The following C8A variants were observed in gnomAD, a reference collection of about 807,000 sequenced individuals.
C8A encodes complement C8 alpha chain.
In C8A, 67 loss-of-function variants were observed where a neutral mutation model predicts 65.3. That is an observed-to-expected ratio of 1.03 (90% CI 0.84 to 1.26). The LOEUF (loss-of-function observed/expected upper bound fraction) is 1.26, where lower values mean the gene tolerates loss of function less well. C8A is among the 50% of genes most tolerant of loss of function. The pLI is 0.00. For synonymous variants in C8A, 290 were observed against 259.4 expected (o/e 1.12, Z -1.13); for missense variants, 781 against 723.9 (o/e 1.08, Z -0.90).
chr1:56,897,962 G>A (rs1644398948), intron 7 of C8A, among the ~76,000 whole-genome samples: 1 of 152,162 alleles, frequency 6.6e-6, no homozygotes, highest in Non-Finnish European at 1.5e-5. Flanking sequence ...AACAAATACA[G>A]TAGAAGCACA....
rs1319437561 is a variant in C8A at position 56,883,351 on chromosome 1, C to T, written c.655-130C>T. ...AAGTATCAGTCTAATGACTGGATTG[C>T]CTTATAAAAGAATTACCTACCATAA... On this transcript the variant is annotated intron_variant, in intron 5 of 10. Coordinates refer to ENST00000361249, the MANE Select transcript of C8A (RefSeq NM_000562.3). 10 of 756,670 alleles carry T rather than the reference C, an allele frequency of 1.3e-5. No homozygotes were observed. In the South Asian group the frequency reaches 1.5e-4, roughly 11 times the overall value. The allele number at this position is 756,670 out of a possible 1,614,324, so 46.9% of individuals were successfully genotyped here.
intron 9 of C8A, among the ~76,000 whole-genome samples, chr1:56,911,397 G>T (rs1644505009): frequency 1.3e-5 from 2 of 152,338 alleles, no homozygotes; most frequent in South Asian, 2.1e-4. Flanking sequence ...GAGGCTCCGT[G>T]TGTCATGTGC....
intron 7 of C8A, among the ~76,000 whole-genome samples, chr1:56,893,416 G>T (rs1053717771): frequency 2.6e-5 from 4 of 152,114 alleles, no homozygotes; most frequent in African/African-American, 9.7e-5. Context: ...TCTGGGTGGG[G>T]CTCTTGGTTC....
In C8A at chr1:56,917,729, A is replaced by G; in HGVS notation, c.*13A>G. On this transcript the variant is annotated 3_prime_UTR_variant, in exon 11 of 11. Transcript: ENST00000361249. ...GCAGGCTTGCTGAGGGCCTCTGGAC[A>G]CAGGCTGGACCAGATGCTGTGGATG... 1 of 1,613,780 alleles carries G rather than the reference A, an allele frequency of 6.2e-7. No homozygotes were observed. The highest frequency in any genetic ancestry group is 8.5e-7 in the Non-Finnish European group (1 of 1,179,976).
intron 2 of C8A, among the ~76,000 whole-genome samples, chr1:56,870,728 C>T (rs1177673745): frequency 6.7e-6 from 1 of 148,272 alleles, no homozygotes; most frequent in Non-Finnish European, 1.5e-5. Flanking sequence ...AAGACAATGA[C>T]TTGCAGTTTA....
intron 7 of C8A, among the ~76,000 whole-genome samples, chr1:56,896,789 G>A (rs1472646920): frequency 1.3e-5 from 2 of 152,176 alleles, no homozygotes; most frequent in South Asian, 4.1e-4. Flanking sequence ...AAAGTCTCAT[G>A]TAATCAAGTG....
intron 9 of C8A, among the ~76,000 whole-genome samples, chr1:56,909,279 C>T (rs1337851059): frequency 6.6e-6 from 1 of 152,198 alleles, no homozygotes; most frequent in Non-Finnish European, 1.5e-5. Flanking sequence ...CCCACCCTTG[C>T]CTATTTTTCT....
At chr1:56,880,684 G>A (rs571709502) in intron 4 of C8A, among the ~76,000 whole-genome samples, 20 of 152,182 alleles carry the variant, frequency 1.3e-4, no homozygotes, top group African/African-American at 4.8e-4. Context: ...TGTAGCAGCA[G>A]AGCCCTTATA....
At chr1:56,889,097 G>T (rs1644324492) in intron 7 of C8A, among the ~76,000 whole-genome samples, 1 of 152,034 alleles carries the variant, frequency 6.6e-6, no homozygotes, top group South Asian at 2.1e-4. Context: ...TTCAAAAGGA[G>T]CCCACCGACA....
At chr1:56,866,971 C>T (rs1644095468) in intron 1 of C8A, among the ~76,000 whole-genome samples, 1 of 152,136 alleles carries the variant, frequency 6.6e-6, no homozygotes, top group African/African-American at 2.4e-5. Flanking sequence ...GTTATGACTT[C>T]AGGGCTACTT....
At chr1:56,864,419 A>G (rs1224226195) in intron 1 of C8A, among the ~76,000 whole-genome samples, 1 of 152,142 alleles carries the variant, frequency 6.6e-6, no homozygotes, top group Non-Finnish European at 1.5e-5. Flanking sequence ...GGAAGCTTAG[A>G]TGTTGAGATA....
chr1:56,867,696 C>G lies in C8A; in HGVS notation c.165C>G (p.Asp55Glu), dbSNP rs370982052. Residue 55 changes from aspartate (D) to glutamate (E), a missense_variant, in exon 2 of 11, where the codon GAC becomes GAG. Asp to Glu is a conservative substitution (Grantham distance 45). Transcript: ENST00000361249. ...SEWTDCFPCQ[D>E]KKYRHRSLLQ... is the part of the protein sequence containing the mutation. ...GGACAGATTGCTTTCCGTGCCAGGA[C>G]AAAAAGGTGAGACACTTACAACCGG... The G allele has an allele frequency of 3.7e-6, 6 of 1,613,038 alleles. No homozygotes were observed. In the Admixed American group the frequency reaches 1.0e-4, roughly 27 times the overall value.
chr1:56,885,886 C>G lies in C8A; in HGVS notation c.856-41C>G, dbSNP rs114723546. On this transcript the variant is annotated intron_variant, in intron 6 of 10. Transcript: ENST00000361249. ...TATTTCTAATGGTAAAATATATGCT[C>G]TCTTTGTTCTTTTGCTTTATTCAAT... The G allele has an allele frequency of 9.5e-4, 1,525 of 1,613,048 alleles. 16 individuals are homozygous for G. The African/African-American group carries it at 0.019, about 20-fold the overall frequency.
intron 7 of C8A, among the ~76,000 whole-genome samples, chr1:56,898,564 T>C (rs1206926346): frequency 1.3e-5 from 2 of 152,188 alleles, no homozygotes; most frequent in African/African-American, 4.8e-5. Context: ...TCCTCAGTTC[T>C]CTGCTTAGCT....
intron 6 of C8A, among the ~76,000 whole-genome samples, chr1:56,884,744 C>A (rs867745710): frequency 6.6e-6 from 1 of 152,118 alleles, no homozygotes; most frequent in South Asian, 2.1e-4. Context: ...CAAAATTCTT[C>A]CAGTGCTATC....
At chr1:56,906,876 T>C (rs1056484423) in intron 8 of C8A, 84 bp downstream of exon 8, 8 of 1,541,332 alleles carry the variant, frequency 5.2e-6, no homozygotes, top group African/African-American at 2.7e-5. Context: ...CTATTTTTTT[T>C]CCCAGTTGAT....
Position 56,917,709 on chromosome 1 carries a change from C to T in C8A, c.1748C>T (p.Ala583Val), listed in dbSNP as rs766723347. The T allele has an allele frequency of 5.0e-6, 8 of 1,613,996 alleles. No individual in the cohort carries two copies. In the Admixed American group the frequency reaches 1.3e-4, roughly 27 times the overall value. The change falls in exon 11 of 11, where the codon GCT becomes GTT. Residue 583 changes from alanine to valine, a missense_variant. Coordinates refer to ENST00000361249, the MANE Select transcript of C8A (RefSeq NM_000562.3). Reference protein sequence around the residue: ...SCPGRKVQTQAC With the variant: ...SCPGRKVQTQVC ...CCAGGGCGGAAAGTACAGACGCAGG[C>T]TTGCTGAGGGCCTCTGGACACAGGC...
chr1:56,908,428 T>C (rs999984144), intron 9 of C8A, among the ~76,000 whole-genome samples: 2 of 152,166 alleles, frequency 1.3e-5, no homozygotes, highest in African/African-American at 4.8e-5. Flanking sequence ...ACTTCAAAAA[T>C]CACATGGGCT....
chr1:56,916,121 G>A (rs1644549187), intron 10 of C8A, among the ~76,000 whole-genome samples: 1 of 152,214 alleles, frequency 6.6e-6, no homozygotes, highest in Non-Finnish European at 1.5e-5. Flanking sequence ...CAGGCAGGCT[G>A]AGACACCTGC....
Sources: gnomAD v4.1 joint callset for allele counts (sites outside exome capture counted in the v4.1 genomes callset) on GRCh38, gnomAD v4.1.1 for gene constraint, MANE v1.5 for transcripts, NCBI Gene and HGNC (gene_info 2026-07-23, HGNC 2026-07-21) for gene names.